The following TESMIN variants were observed in gnomAD, a reference collection of about 807,000 sequenced individuals.
The protein encoded by TESMIN is testis expressed metallothionein like protein.
TESMIN carries 34 observed loss-of-function variants against 47.4 expected under a neutral mutation model. That is an observed-to-expected ratio of 0.72 (90% confidence interval 0.55 to 0.96). TESMIN has a LOEUF of 0.96. Among genes scored for constraint, TESMIN ranks in the 40% least tolerant of loss-of-function variants. The pLI, the probability that TESMIN is intolerant of heterozygous loss-of-function variation, is 0.00. For synonymous variants in TESMIN, 278 were observed against 258.9 expected, an observed-to-expected ratio of 1.07 and a Z score of -0.71; for missense variants, 610 against 637.2, an observed-to-expected ratio of 0.96 and a Z score of 0.46.
At chr11:68,725,260 T>A (rs1329093002) in intron 6 of TESMIN, among the ~76,000 whole-genome samples, 1 of 152,190 alleles carries the variant, frequency 6.6e-6, no homozygotes, top group Admixed American at 6.5e-5. Flanking sequence ...ATTGTCCGTA[T>A]GGAAAAAAAT....
chr11:68,716,700 T>C (rs1425360148), intron 6 of TESMIN, among the ~76,000 whole-genome samples: 1 of 152,222 alleles, frequency 6.6e-6, no homozygotes, highest in Non-Finnish European at 1.5e-5. Flanking sequence ...TGCTCCTGCA[T>C]TGTAAGGCAG....
chr11:68,726,778 C>T (rs1219571244), intron 6 of TESMIN, among the ~76,000 whole-genome samples: 33 of 152,026 alleles, frequency 2.2e-4, no homozygotes, highest in Admixed American at 2.2e-3. Context: ...CAATCTATGC[C>T]TGAAATTTTA....
intron 6 of TESMIN, among the ~76,000 whole-genome samples, chr11:68,725,346 AT>A (rs1946249484): frequency 6.6e-6 from 1 of 152,240 alleles, no homozygotes. Context: ...AAAAGCAGAA[AT>A]GTAAAACTTT....
chr11:68,729,608 T>C (rs1043095968), intron 6 of TESMIN, among the ~76,000 whole-genome samples: 1 of 152,032 alleles, frequency 6.6e-6, no homozygotes, highest in Non-Finnish European at 1.5e-5. Flanking sequence ...ACTGCAGATG[T>C]AGAAATAGCA....
At position 68,708,451 on chromosome 11, in the gene TESMIN, AGGC is replaced by A; in HGVS notation, c.1381_1383del (p.Ala461del). On this transcript the variant is annotated inframe_deletion, in exon 10 of 10. Coordinates refer to ENST00000255087, the MANE Select transcript of TESMIN (RefSeq NM_004923.3). ...GCCTCTTCTCCCTGAGCAAGCAGGC[AGGC>A]GCATGTGGCCTCCACCACCTCCCAG... The A allele has an allele frequency of 2.5e-6, 4 of 1,614,058 alleles. No homozygotes were observed. The highest frequency in any genetic ancestry group is 3.4e-6 in the Non-Finnish European group (4 of 1,179,938).
intron 6 of TESMIN, among the ~76,000 whole-genome samples, chr11:68,728,938 GC>G (rs1281878502): frequency 1.3e-5 from 2 of 152,062 alleles, no homozygotes; most frequent in African/African-American, 4.8e-5. Context: ...CAGGTACCTG[GC>G]CCCCCAAGAG....
At chr11:68,710,541 T>C in intron 9 of TESMIN, 1 of 252,534 alleles carries the variant, frequency 4.0e-6, no homozygotes. Flanking sequence ...GTTGTGGCTC[T>C]ATATTAACGC....
chr11:68,705,267 A>G (rs1945987543), downstream of TESMIN, among the ~76,000 whole-genome samples: 1 of 152,184 alleles, frequency 6.6e-6, no homozygotes, highest in South Asian at 2.1e-4. Flanking sequence ...TGATCATTTT[A>G]TCTTGGATGA....
At chr11:68,705,004 CG>C (rs1052798563), downstream of TESMIN, among the ~76,000 whole-genome samples, 13 of 152,024 alleles carry the variant, frequency 8.6e-5, no homozygotes, top group Admixed American at 3.3e-4. Flanking sequence ...TGCCGGGGGC[CG>C]GGGGTTGGGA....
chr11:68,734,018 C>T (rs1946359164), intron 6 of TESMIN, among the ~76,000 whole-genome samples: 1 of 152,162 alleles, frequency 6.6e-6, no homozygotes, highest in Non-Finnish European at 1.5e-5. Flanking sequence ...CTATTTAAAT[C>T]TCTATTTTTT....
Position 68,751,493 on chromosome 11 carries a change from C to T in TESMIN, c.-113G>A, listed in dbSNP as rs942840373. 5 of 146,936 alleles carry T rather than the reference C, an allele frequency of 3.4e-5. No individual in the cohort carries two copies. The highest frequency in any genetic ancestry group is 6.0e-5 in the Non-Finnish European group (4 of 66,998). The allele number at this position is 146,936 out of a possible 1,614,324, so 9.1% of individuals were successfully genotyped here. On this transcript the variant is annotated 5_prime_UTR_variant, in exon 1 of 10. Coordinates refer to ENST00000255087, the MANE Select transcript of TESMIN (RefSeq NM_004923.3). ...GGGCCGGGCCTCAGGCGCAGGCGGC[C>T]GTTGGCGGTTGGAGAAGGGGGAAGG...
At chr11:68,747,011 A>C in intron 3 of TESMIN, 197 bp downstream of exon 3, 1 of 606,656 alleles carries the variant, frequency 1.6e-6, no homozygotes, top group Non-Finnish European at 2.9e-6. Context: ...CAATTTGCTA[A>C]GATGGAGTAG....
intron 3 of TESMIN, among the ~76,000 whole-genome samples, chr11:68,746,973 T>C (rs1443431857): frequency 6.6e-6 from 1 of 152,162 alleles, no homozygotes; most frequent in Non-Finnish European, 1.5e-5. Flanking sequence ...CTCTCCTTAA[T>C]GAATACAGCA....
intron 6 of TESMIN, chr11:68,736,339 T>C: frequency 1.0e-6 from 1 of 985,478 alleles, no homozygotes; most frequent in Non-Finnish European, 1.2e-6. Context: ...CCCTAACAAA[T>C]GACCATCGGG....
chr11:68,721,255 GT>G (rs1332453585), intron 6 of TESMIN, among the ~76,000 whole-genome samples: 1 of 152,034 alleles, frequency 6.6e-6, no homozygotes, highest in East Asian at 1.9e-4. Context: ...TCTTCTTTCT[GT>G]TCCTAGAACC....
chr11:68,717,262 C>T (rs951814544), intron 6 of TESMIN, among the ~76,000 whole-genome samples: 29 of 152,306 alleles, frequency 1.9e-4, no homozygotes, highest in African/African-American at 5.8e-4. Context: ...CCCAGAGAGG[C>T]GAGTTCTGCA....
chr11:68,750,250 C>A lies in TESMIN; in HGVS notation c.411G>T (p.Val137=). 1 of 1,536,914 alleles carries A rather than the reference C, an allele frequency of 6.5e-7. No homozygotes were observed. The highest frequency in any genetic ancestry group is 2.0e-5 in the Admixed American group (1 of 49,274). Residue 137 remains valine (V), a synonymous_variant, in exon 2 of 10, where the codon GTG becomes GTT. Coordinates refer to ENST00000255087, the MANE Select transcript of TESMIN (RefSeq NM_004923.3). ...CCAGGACCCAGGCGCCCAGGGGCAA[C>A]ACCGCCGGGCTGCGGTGCGCGGGTA... ...SLLPAHRSPA[V]LPLGAWVLEG...
intron 6 of TESMIN, chr11:68,737,502 C>G: frequency 2.0e-6 from 2 of 985,780 alleles, no homozygotes; most frequent in Non-Finnish European, 2.4e-6. Flanking sequence ...CGAAGCCATG[C>G]CCGATGGCAG....
chr11:68,739,866 A>C (rs1946435906), intron 5 of TESMIN, among the ~76,000 whole-genome samples: 1 of 152,202 alleles, frequency 6.6e-6, no homozygotes, highest in African/African-American at 2.4e-5. Flanking sequence ...GTCAGTCTGA[A>C]GAGTTTTGCA....
Sources: gnomAD v4.1 joint callset for allele counts (sites outside exome capture counted in the v4.1 genomes callset) on GRCh38, gnomAD v4.1.1 for gene constraint, MANE v1.5 for transcripts, NCBI Gene and HGNC (gene_info 2026-07-23, HGNC 2026-07-21) for gene names.